SPIRE1: variants seen among roughly 807,000 people sequenced by gnomAD.
SPIRE1 encodes the protein protein spire homolog 1.
A neutral mutation model predicts 94.1 loss-of-function variants in SPIRE1; 40 were observed. The observed-to-expected ratio is 0.43, with a 90% CI of 0.33 to 0.55. The LOEUF (loss-of-function observed/expected upper bound fraction) is 0.55. Ranked by LOEUF, SPIRE1 falls within the 20% of genes least tolerant of loss-of-function variation. The pLI is 0.06. For synonymous variants in SPIRE1, 376 were observed against 371.7 expected, an observed-to-expected ratio of 1.01 and a Z score of -0.13; for missense variants, 838 against 975.2, an observed-to-expected ratio of 0.86 and a Z score of 1.87.
intron 12 of SPIRE1, chr18:12,459,860 A>T (rs2031699984): frequency 2.0e-6 from 2 of 985,832 alleles, no homozygotes; most frequent in Non-Finnish European, 1.2e-6. Context: ...TGAGCAGAGA[A>T]GCTGTTTGTA....
chr18:12,488,055 C>T (rs1414858363), intron 8 of SPIRE1, among the ~76,000 whole-genome samples: 5 of 152,188 alleles, frequency 3.3e-5, no homozygotes, highest in Non-Finnish European at 7.3e-5. Context: ...TCTTCCCTTC[C>T]TCTCCAACAA....
intron 16 of SPIRE1, among the ~76,000 whole-genome samples, chr18:12,451,536 C>G (rs752706708): frequency 2.0e-4 from 30 of 152,308 alleles, no homozygotes; most frequent in Non-Finnish European, 3.7e-4. Context: ...ACTGAAAATT[C>G]ACACCCAGAG....
intron 7 of SPIRE1, 114 bp from the exon 8 acceptor site, chr18:12,493,315 T>A: frequency 1.0e-6 from 1 of 959,160 alleles, no homozygotes. Context: ...CACTGCTTGA[T>A]AAAAGATTAC....
chr18:12,546,620 A>C, intron 3 of SPIRE1, 54 bp downstream of exon 3: 1 of 1,361,070 alleles, frequency 7.3e-7, no homozygotes, highest in Non-Finnish European at 1.0e-6. Flanking sequence ...AAAAAAAAGA[A>C]GAAGAAATAA....
chr18:12,606,750 C>CA (rs2036989588), intron 2 of SPIRE1, among the ~76,000 whole-genome samples: 1 of 152,192 alleles, frequency 6.6e-6, no homozygotes, highest in African/African-American at 2.4e-5. Flanking sequence ...AGGCTGCTCT[C>CA]AAACTCCTGG....
At chr18:12,569,427 T>C (rs983966551) in intron 2 of SPIRE1, among the ~76,000 whole-genome samples, 1 of 151,746 alleles carries the variant, frequency 6.6e-6, no homozygotes, top group African/African-American at 2.4e-5. Context: ...TCACTTTCAC[T>C]GGATTGAGGG....
intron 2 of SPIRE1, among the ~76,000 whole-genome samples, chr18:12,557,845 A>G (rs1157761910): frequency 6.6e-6 from 1 of 152,156 alleles, no homozygotes; most frequent in East Asian, 1.9e-4. Flanking sequence ...AACAGAATAG[A>G]GCCCTCAGAA....
At chr18:12,655,111 A>G (rs750703839) in intron 1 of SPIRE1, among the ~76,000 whole-genome samples, 9 of 151,950 alleles carry the variant, frequency 5.9e-5, no homozygotes, top group Non-Finnish European at 1.3e-4. Context: ...CCAGCACTTT[A>G]GCAGGCCAAG....
intron 2 of SPIRE1, among the ~76,000 whole-genome samples, chr18:12,626,867 A>AATATATATAT (rs1555634098): frequency 1.7e-3 from 188 of 110,446 alleles, no homozygotes; most frequent in Middle Eastern, 6.7e-3. Context: ...TAAGCTGTAA[A>AATATATATAT]ATATATATAT....
chr18:12,657,830 G>A lies in SPIRE1; in HGVS notation c.37C>T (p.Pro13Ser). Residue 13 changes from proline (P) to serine (S), a missense_variant, in exon 1 of 17, where the codon CCG becomes TCG. Physicochemically the swap from Pro to Ser is moderately conservative, Grantham distance 74 (BLOSUM62 -1). This residue lies in a region of SPIRE1 where 193 missense variants were observed against 170.5 expected (regional missense o/e 1.13). Transcript: ENST00000409402. ...TCGCCGCCCACTGCCTCAGTCCGCG[G>A]CTCCCCGCCGCCCGCCGGGCCAGCC... ...QAAGPAGGGEPRTEAVGGEGP... is the reference protein window; with the variant it reads ...QAAGPAGGGESRTEAVGGEGP... 2 of 1,157,882 alleles carry A rather than the reference G, an allele frequency of 1.7e-6. No homozygotes were observed. The highest frequency in any genetic ancestry group is 1.1e-6 in the Non-Finnish European group (1 of 943,724). The allele number at this position is 1,157,882 out of a possible 1,614,324, so 71.7% of individuals were successfully genotyped here. A position where few individuals can be genotyped will look rare whatever the true frequency, so the allele number is the denominator to read the frequency against.
intron 2 of SPIRE1, among the ~76,000 whole-genome samples, chr18:12,622,892 G>A (rs1159911819): frequency 6.6e-6 from 1 of 152,128 alleles, no homozygotes; most frequent in African/African-American, 2.4e-5. Context: ...CTTCTTCCTG[G>A]AAAGTTCCAC....
At chr18:12,542,913 G>A (rs1286326810) in intron 3 of SPIRE1, among the ~76,000 whole-genome samples, 1 of 151,902 alleles carries the variant, frequency 6.6e-6, no homozygotes, top group African/African-American at 2.4e-5. Flanking sequence ...TGCAACCTCC[G>A]CCTCCCAGGT....
At chr18:12,523,092 T>C (rs1487259491) in intron 4 of SPIRE1, among the ~76,000 whole-genome samples, 2 of 152,092 alleles carry the variant, frequency 1.3e-5, no homozygotes, top group African/African-American at 2.4e-5. Flanking sequence ...AGAACACTGG[T>C]GATTCATGAA....
At chr18:12,468,240 T>C (rs761416601) in intron 10 of SPIRE1, among the ~76,000 whole-genome samples, 9 of 152,150 alleles carry the variant, frequency 5.9e-5, no homozygotes, top group Non-Finnish European at 1.2e-4. Flanking sequence ...ACTGAAAACA[T>C]GAGGAAGCAC....
At position 12,646,882 on chromosome 18, in the gene SPIRE1, T is replaced by A. The variant is rs536832366; in HGVS notation, c.337+10648A>T. On this transcript the variant is annotated intron_variant, in intron 1 of 16. Transcript: ENST00000409402. ...CAACATAGTGAAACTCTGTCTCTGC[T>A]AAAAATACAAAATTAGCCAGGCGTG... is the stretch of plus-strand genomic sequence containing the variant. Among the ~76,000 whole-genome samples the A allele has an allele frequency of 2.0e-5, 3 of 152,106 alleles. No homozygotes were observed. The South Asian group carries it at 6.2e-4, about 32-fold the overall frequency.
intron 9 of SPIRE1, 109 bp downstream of exon 9, chr18:12,485,850 G>C (rs1278440678): frequency 1.9e-5 from 15 of 786,810 alleles, no homozygotes; most frequent in Non-Finnish European, 2.5e-5. Flanking sequence ...CTTAGCAGAA[G>C]CCTTTCAATT....
At chr18:12,536,832 TCATTA>T (rs2034857916) in intron 3 of SPIRE1, among the ~76,000 whole-genome samples, 1 of 152,216 alleles carries the variant, frequency 6.6e-6, no homozygotes, top group African/African-American at 2.4e-5. Context: ...CCACGTACAA[TCATTA>T]CATTTTAAAG....
intron 2 of SPIRE1, among the ~76,000 whole-genome samples, chr18:12,584,729 A>G (rs1028524899): frequency 1.2e-4 from 18 of 152,124 alleles, no homozygotes; most frequent in Admixed American, 1.1e-3. Context: ...TAGGCGTTTG[A>G]GTCCAGTCTG....
At chr18:12,658,218 C>A (rs1251030374), upstream of SPIRE1, 1 of 553,960 alleles carries the variant, frequency 1.8e-6, no homozygotes, top group Non-Finnish European at 3.0e-6. Context: ...GAGGACCAGG[C>A]AGGAGGGCCT....
Sources: allele counts gnomAD v4.1 joint callset (sites outside exome capture counted in the v4.1 genomes callset), GRCh38; gene constraint gnomAD v4.1.1; regional missense constraint gnomAD v4.1.1; transcripts MANE v1.5; gene names NCBI Gene and HGNC (gene_info 2026-07-23, HGNC 2026-07-21).